The following DAAM2 variants were observed in gnomAD, a reference collection of about 807,000 sequenced individuals.
DAAM2 encodes disheveled-associated activator of morphogenesis 2.
In DAAM2, 39 loss-of-function variants were observed where a neutral mutation model predicts 120.7. The observed-to-expected ratio is 0.32, with a 90% CI of 0.25 to 0.42. The LOEUF is 0.42. Ranked by LOEUF, DAAM2 falls within the 10% of genes least tolerant of loss-of-function variation. The probability of loss-of-function intolerance (pLI) is 1.00; values close to 1 mark genes in which losing one functional copy is unlikely to be tolerated. For missense variants in DAAM2, 1,283 were observed against 1,401.7 expected, an observed-to-expected ratio of 0.92 and a Z score of 1.35; for synonymous variants, 488 against 524.9, an observed-to-expected ratio of 0.93 and a Z score of 0.96.
intron 1 of DAAM2, among the ~76,000 whole-genome samples, chr6:39,827,631 A>T (rs568438354): frequency 5.5e-4 from 84 of 151,944 alleles, no homozygotes; most frequent in Non-Finnish European, 1.0e-3. Context: ...TGGCTGGAGG[A>T]TTCTCCCTGA....
chr6:39,805,755 A>T (rs1235226122), intron 1 of DAAM2, among the ~76,000 whole-genome samples: 1 of 152,040 alleles, frequency 6.6e-6, no homozygotes, highest in Non-Finnish European at 1.5e-5. Flanking sequence ...GGGTTTCACC[A>T]TGTTGGCAGG....
intron 1 of DAAM2, among the ~76,000 whole-genome samples, chr6:39,831,700 G>C (rs952969935): frequency 3.4e-5 from 5 of 148,196 alleles, no homozygotes; most frequent in East Asian, 2.0e-4. Context: ...GTGGCCTGGG[G>C]GGTAGGCACG....
At chr6:39,797,787 C>T (rs543508351) in intron 1 of DAAM2, among the ~76,000 whole-genome samples, 10 of 152,342 alleles carry the variant, frequency 6.6e-5, no homozygotes, top group African/African-American at 9.6e-5. Flanking sequence ...GTGCAGACTT[C>T]GTATGGTTCT....
intron 1 of DAAM2, among the ~76,000 whole-genome samples, chr6:39,803,407 A>C (rs1184626049): frequency 6.6e-6 from 1 of 152,182 alleles, no homozygotes; most frequent in Non-Finnish European, 1.5e-5. Context: ...GAGAGTTCAC[A>C]TGTTCTAGAA....
intron 15 of DAAM2, 68 bp from the exon 16 acceptor site, chr6:39,887,418 T>C: frequency 2.6e-6 from 3 of 1,137,692 alleles, no homozygotes; most frequent in Non-Finnish European, 3.9e-6. Context: ...AGGTGGCTCT[T>C]GCGGGGCGGG....
At chr6:39,866,380 T>C (rs940243309) in intron 5 of DAAM2, among the ~76,000 whole-genome samples, 4 of 152,248 alleles carry the variant, frequency 2.6e-5, no homozygotes, top group Non-Finnish European at 5.9e-5. Context: ...AAATAGCTAT[T>C]GTTAACAACT....
chr6:39,871,439 G>A, intron 8 of DAAM2, 67 bp from the exon 9 acceptor site: 1 of 1,442,072 alleles, frequency 6.9e-7, no homozygotes, highest in Non-Finnish European at 9.5e-7. Flanking sequence ...CGAAGGGGCT[G>A]TAACCCTCAA....
intron 16 of DAAM2, chr6:39,887,868 A>C: frequency 2.4e-6 from 1 of 423,708 alleles, no homozygotes; most frequent in Non-Finnish European, 4.4e-6. Flanking sequence ...CAGGCCATGG[A>C]GCAGCATGAT....
chr6:39,851,012 A>T (rs1258414806), intron 1 of DAAM2, among the ~76,000 whole-genome samples: 1 of 152,230 alleles, frequency 6.6e-6, no homozygotes, highest in African/African-American at 2.4e-5. Flanking sequence ...GTCATAGAGC[A>T]AGCCATGTAA....
At chr6:39,887,779 C>T (rs1765465997) in intron 16 of DAAM2, 187 bp downstream of exon 16, 1 of 547,408 alleles carries the variant, frequency 1.8e-6, no homozygotes, top group African/African-American at 1.9e-5. Flanking sequence ...GGAAACTGCC[C>T]AGTCACGAGG....
chr6:39,868,834 C>T lies in DAAM2; in HGVS notation c.774C>T (p.Asn258=), dbSNP rs34941067. 6,232 of 1,578,800 alleles carry T rather than the reference C, an allele frequency of 3.9e-3. 213 individuals are homozygous for T. The African/African-American group carries it at 0.073, about 18-fold the overall frequency. Residue 258 remains asparagine, a synonymous_variant, in exon 7 of 25, where the codon AAC becomes AAT. Transcript: ENST00000274867. The part of the protein sequence containing the change: ...AERTRFQTLL[N]ELDRSLGRYR... The stretch of plus-strand genomic sequence containing the variant: ...GCATTTCCACCTAGACCCTGCTGAA[C>T]GAGCTAGACCGAAGTCTGGGCCGGT...
In DAAM2 at chr6:39,865,219, C is replaced by T. The variant is rs2149302470; in HGVS notation, c.428+145C>T. The stretch of plus-strand genomic sequence containing the variant: ...ACCTGACTTCACTTCCCAGCCCCTA[C>T]TCCTCTCCTGGGAGGCTGCCAGGGC... On this transcript the variant is annotated intron_variant, in intron 5 of 24. Coordinates refer to ENST00000274867, the MANE Select transcript of DAAM2 (RefSeq NM_001201427.2). The T allele has an allele frequency of 4.7e-6, 3 of 637,016 alleles. No homozygotes were observed. In the East Asian group the frequency reaches 8.3e-5, roughly 18 times the overall value. 39.5% of individuals were successfully genotyped at this position (637,016 alleles called of 1,614,324 possible). A position where few individuals can be genotyped will look rare whatever the true frequency, so the allele number is the denominator to read the frequency against.
Position 39,901,706 on chromosome 6 carries a change from G to C in DAAM2, c.2983-107G>C. 1 of 1,124,034 alleles carries C rather than the reference G, an allele frequency of 8.9e-7. No homozygotes were observed. 69.6% of individuals were successfully genotyped at this position (1,124,034 alleles called of 1,614,324 possible). A position where few individuals can be genotyped will look rare whatever the true frequency, so the allele number is the denominator to read the frequency against. On this transcript the variant is annotated intron_variant, in intron 24 of 24. Transcript: ENST00000274867. This position sits in a 1 kb window ranked among gnomAD's most constrained non-coding sequence, Gnocchi z 4.5. The stretch of plus-strand genomic sequence containing the variant: ...GAAGAAAGTGGGGCCAACAGATACA[G>C]GCAGGCAGCATGACCATGGCCTAGG...
chr6:39,826,105 G>A (rs1048589522), intron 1 of DAAM2, among the ~76,000 whole-genome samples: 1 of 152,150 alleles, frequency 6.6e-6, no homozygotes, highest in South Asian at 2.1e-4. Context: ...CTGCCTGCTG[G>A]CTTGGGATGT....
intron 14 of DAAM2, chr6:39,879,903 T>C: frequency 3.7e-6 from 1 of 270,084 alleles, no homozygotes; most frequent in African/African-American, 2.3e-5. Flanking sequence ...TGGCAAGACA[T>C]AGCTATTTTG....
chr6:39,859,548 C>T lies in DAAM2; in HGVS notation c.169-1380C>T, dbSNP rs1764130169. Among the ~76,000 whole-genome samples the T allele has an allele frequency of 2.0e-5, 3 of 152,146 alleles. No homozygotes were observed. The South Asian group carries it at 6.2e-4, about 32-fold the overall frequency. Reference sequence around the variant, plus strand: ...TGCTGTCTGAATGGCAGTCCCTGGCCACGTGGGACTACTGGCTCATCTGAA... The same window carrying T: ...TGCTGTCTGAATGGCAGTCCCTGGCTACGTGGGACTACTGGCTCATCTGAA... On this transcript the variant is annotated intron_variant, in intron 2 of 24. Transcript: ENST00000274867.
intron 5 of DAAM2, chr6:39,867,258 T>C (rs1764468907): frequency 2.0e-6 from 1 of 500,524 alleles, no homozygotes; most frequent in African/African-American, 1.9e-5. Flanking sequence ...TGAAGAGGAC[T>C]TCACATTCAT....
At chr6:39,864,389 C>A in intron 3 of DAAM2, 44 bp from the exon 4 acceptor site, 1 of 1,495,202 alleles carries the variant, frequency 6.7e-7, no homozygotes, top group Non-Finnish European at 9.3e-7. Context: ...AGGCCACGGG[C>A]CTGTCTTGCC....
intron 1 of DAAM2, among the ~76,000 whole-genome samples, chr6:39,841,936 CAGAG>C (rs781374029): frequency 2.0e-5 from 3 of 152,142 alleles, no homozygotes; most frequent in Non-Finnish European, 4.4e-5. Flanking sequence ...CTTTTGTTGA[CAGAG>C]AGGAGGGGGA....
Sources: gnomAD v4.1 joint callset for allele counts (sites outside exome capture counted in the v4.1 genomes callset) on GRCh38, gnomAD v4.1.1 for gene constraint, Gnocchi (gnomAD v3.1) non-coding constraint, MANE v1.5 for transcripts, NCBI Gene and HGNC (gene_info 2026-07-23, HGNC 2026-07-21) for gene names.